Variants in ST3GAL2 observed in about 807,000 individuals in gnomAD.
The protein encoded by ST3GAL2 is CMP-N-acetylneuraminate-beta-galactosamide-alpha-2,3-sialyltransferase 2.
A neutral mutation model predicts 37.5 loss-of-function variants in ST3GAL2; 16 were observed. The ratio of observed to expected loss-of-function variants is 0.43; its 90% CI spans 0.29 to 0.65. The LOEUF is 0.65. Ranked by LOEUF, ST3GAL2 falls within the 30% of genes least tolerant of loss-of-function variation. The pLI is 0.17. For synonymous variants in ST3GAL2, 238 were observed against 202.9 expected, an observed-to-expected ratio of 1.17 and a Z score of -1.47; for missense variants, 383 against 487.8, an observed-to-expected ratio of 0.79 and a Z score of 2.02.
chr16:70,385,915 C>T (rs1477185929), intron 4 of ST3GAL2, among the ~76,000 whole-genome samples: 5 of 151,930 alleles, frequency 3.3e-5, no homozygotes, highest in Non-Finnish European at 7.4e-5. Flanking sequence ...CCATGTTGCC[C>T]AAGGTGGTCT....
chr16:70,385,768 A>G (rs972712510), intron 4 of ST3GAL2, among the ~76,000 whole-genome samples: 3 of 133,816 alleles, frequency 2.2e-5, no homozygotes, highest in Non-Finnish European at 4.6e-5. Context: ...CAGTGGCGCG[A>G]TCTGAGCTCA....
rs752908915 is a variant in ST3GAL2 at position 70,383,190 on chromosome 16, C to T, written c.759G>A (p.Lys253=). 3 of 1,611,994 alleles carry T rather than the reference C, an allele frequency of 1.9e-6. No homozygotes were observed. The highest frequency in any genetic ancestry group is 2.2e-5 in the East Asian group (1 of 44,864). The change falls in exon 5 of 7, where the codon AAG becomes AAA. Residue 253 remains lysine, a splice_region_variant and synonymous_variant. Transcript: ENST00000342907. ...VKSFLRVDKE[K]VQIYNPAFFK... ...GGTGGGGAAGAAGTGGGGAGCTTAC[C>T]TTTTCTTTATCCACTCGAAGGAAGG...
intron 1 of ST3GAL2, among the ~76,000 whole-genome samples, chr16:70,402,249 C>A (rs943988526): frequency 2.9e-5 from 4 of 136,742 alleles, no homozygotes; most frequent in Non-Finnish European, 6.1e-5. Flanking sequence ...TGCCAATGCA[C>A]TCTAGCCTGG....
At chr16:70,429,588 CAAAAAA>C (rs1173306093) in intron 1 of ST3GAL2, among the ~76,000 whole-genome samples, 2 of 36,064 alleles carry the variant, frequency 5.5e-5, no homozygotes, top group Admixed American at 6.2e-4. Context: ...GACTCTGTCT[CAAAAAA>C]AAAAAAAAAA....
rs747457859 is a variant in ST3GAL2 at position 70,398,285 on chromosome 16, G to A, written c.246C>T (p.Ser82=). The change falls in exon 2 of 7, where the codon TCC becomes TCT. Residue 82 remains serine (S), a synonymous_variant. Transcript: ENST00000342907. Reference sequence around the variant, plus strand: ...CGTCAAAGTGGCTGTCAAACCAGTCGGAGGCACCGGCATCGCCCATGCAGC... The same window carrying A: ...CGTCAAAGTGGCTGTCAAACCAGTCAGAGGCACCGGCATCGCCCATGCAGC... ...CRRCMGDAGA[S]DWFDSHFDGN... 25 of 1,613,226 alleles carry A rather than the reference G, an allele frequency of 1.5e-5. 1 individual carries two copies. Among genetic ancestry groups the A allele is most frequent in the South Asian group, 1.1e-5 (1 of 91,092 alleles).
intron 4 of ST3GAL2, among the ~76,000 whole-genome samples, chr16:70,387,287 G>A (rs962144240): frequency 2.0e-4 from 31 of 151,978 alleles, no homozygotes; most frequent in Non-Finnish European, 3.4e-4. Flanking sequence ...GGATGTGGTG[G>A]CTCATGCCTG....
intron 1 of ST3GAL2, among the ~76,000 whole-genome samples, chr16:70,429,321 A>C (rs768550962): frequency 8.0e-4 from 121 of 152,180 alleles, no homozygotes; most frequent in Admixed American, 1.8e-3. Flanking sequence ...AGGCCGGGTA[A>C]GGTGGCTCAA....
intron 1 of ST3GAL2, chr16:70,400,542 C>T (rs747629757): frequency 4.6e-5 from 7 of 152,460 alleles, no homozygotes; most frequent in African/African-American, 1.4e-4. Flanking sequence ...CTGCTTCCAG[C>T]AGCTGCATAC....
Position 70,378,604 on chromosome 16 carries a change from AG to A in ST3GAL2, c.*3084del, listed in dbSNP as rs1039396873. ...GTAGTCTCAGCTACTCGGGAGACTG[AG>A]GCAGGAGAATGGCGTGAACCCGGGA... On this transcript the variant is annotated 3_prime_UTR_variant, in exon 7 of 7. Transcript: ENST00000342907. 6.7e-6 allele frequency: 1 copy of A among 148,240 alleles called. No homozygotes were observed. The highest frequency in any genetic ancestry group is 2.5e-5 in the African/African-American group (1 of 39,856). The allele number at this position is 148,240 out of a possible 1,614,324, so 9.2% of individuals were successfully genotyped here.
intron 5 of ST3GAL2, 47 bp from the exon 6 acceptor site, chr16:70,382,971 GAT>G: frequency 6.2e-7 from 1 of 1,603,486 alleles, no homozygotes; most frequent in African/African-American, 1.3e-5. Context: ...TAGGGGCAGA[GAT>G]TCAGGCTAGA....
At chr16:70,396,734 T>C (rs1291477056) in intron 2 of ST3GAL2, among the ~76,000 whole-genome samples, 3 of 152,224 alleles carry the variant, frequency 2.0e-5, no homozygotes, top group South Asian at 4.2e-4. Context: ...CATGAGCTCA[T>C]CCCTTGCAGC....
chr16:70,430,910 T>TC (rs2047785359), intron 1 of ST3GAL2, among the ~76,000 whole-genome samples: 1 of 151,920 alleles, frequency 6.6e-6, no homozygotes, highest in Admixed American at 6.6e-5. Flanking sequence ...AACTTTCACT[T>TC]CCCCCTGAAA....
At chr16:70,410,867 T>C (rs2047633786) in intron 1 of ST3GAL2, among the ~76,000 whole-genome samples, 1 of 150,472 alleles carries the variant, frequency 6.6e-6, no homozygotes, top group African/African-American at 2.4e-5. Context: ...CTGTTGGCTG[T>C]CTACCAGCGG....
chr16:70,392,280 T>A (rs971485544), intron 3 of ST3GAL2, among the ~76,000 whole-genome samples: 7 of 152,184 alleles, frequency 4.6e-5, no homozygotes, highest in Non-Finnish European at 1.0e-4. Flanking sequence ...AGGTTTTGTT[T>A]CAAGGCTCTG....
At position 70,398,610 on chromosome 16, in the gene ST3GAL2, T is replaced by C; in HGVS notation, c.-80A>G. ...GGGGCCAGCCACGGCGTAGCCTGCC[T>C]ATTCTGGCACCACATGCAAAGGGCA... is the stretch of plus-strand genomic sequence containing the variant. On this transcript the variant is annotated 5_prime_UTR_variant, in exon 2 of 7. The change creates a new upstream start codon in the 5' untranslated region. Coordinates refer to ENST00000342907, the MANE Select transcript of ST3GAL2 (RefSeq NM_006927.4). 3 of 1,379,160 alleles carry C rather than the reference T, an allele frequency of 2.2e-6. No homozygotes were observed. Among genetic ancestry groups the C allele is most frequent in the Non-Finnish European group, 2.9e-6 (3 of 1,023,742 alleles). The allele number at this position is 1,379,160 out of a possible 1,614,324, so 85.4% of individuals were successfully genotyped here.
At position 70,380,924 on chromosome 16, in the gene ST3GAL2, G is replaced by C. The variant is rs1238947954; in HGVS notation, c.*765C>G. Reference sequence around the variant, plus strand: ...GGTGAGGAGGCCTCCGGCCCAGGGAGAGGCGCTGAGAAGGCTGCGGGTGAA... The same window carrying C: ...GGTGAGGAGGCCTCCGGCCCAGGGACAGGCGCTGAGAAGGCTGCGGGTGAA... On this transcript the variant is annotated 3_prime_UTR_variant, in exon 7 of 7. Transcript: ENST00000342907. 1 of 153,632 alleles carries C rather than the reference G, an allele frequency of 6.5e-6. No homozygotes were observed. Among genetic ancestry groups the C allele is most frequent in the East Asian group, 1.9e-4 (1 of 5,234 alleles). The allele number at this position is 153,632 out of a possible 1,614,324, so 9.5% of individuals were successfully genotyped here.
chr16:70,381,778 T>A lies in ST3GAL2; in HGVS notation c.964A>T (p.Lys322Ter). ...ENNRYAGEFR[K>*]TGVHDADFEA... ...AAGTCCGCGTCGTGCACGCCAGTCT[T>A]CCGGAACTCGCCCGCGTACCGGTTG... The change falls in exon 7 of 7, where the codon AAG becomes TAG. Residue 322 changes from lysine (K) to a stop codon, truncating the protein, a stop_gained. Transcript: ENST00000342907. LOFTEE classifies it high-confidence loss of function. 1 of 1,614,082 alleles carries A rather than the reference T, an allele frequency of 6.2e-7. No individual in the cohort carries two copies. Among genetic ancestry groups the A allele is most frequent in the Non-Finnish European group, 8.5e-7 (1 of 1,179,962 alleles).
In ST3GAL2 at chr16:70,419,306, T is replaced by C. The variant is rs542685166; in HGVS notation, c.-1004+19643A>G. ...GCGGCCCAGAGTTGAAGGACTGGACTTAAAAATCCACCATCTATCCCCAGA... is the reference window on the plus strand; with the variant it reads ...GCGGCCCAGAGTTGAAGGACTGGACCTAAAAATCCACCATCTATCCCCAGA... On this transcript the variant is annotated intron_variant, in intron 1 of 6. Coordinates refer to ENST00000342907, the MANE Select transcript of ST3GAL2 (RefSeq NM_006927.4). 4.6e-5 allele frequency among the ~76,000 whole-genome samples: 7 copies of C among 152,312 alleles called. No homozygotes were observed. The East Asian group carries it at 1.4e-3, about 29-fold the overall frequency.
chr16:70,414,228 T>C (rs113559049), intron 1 of ST3GAL2, among the ~76,000 whole-genome samples: 34 of 152,324 alleles, frequency 2.2e-4, no homozygotes, highest in African/African-American at 5.3e-4. Flanking sequence ...ACAAGATTCA[T>C]AGAACTCTAG....
Sources: allele counts gnomAD v4.1 joint callset (sites outside exome capture counted in the v4.1 genomes callset), GRCh38; gene constraint gnomAD v4.1.1; transcripts MANE v1.5; gene names NCBI Gene and HGNC (gene_info 2026-07-23, HGNC 2026-07-21).